ALK: variants seen among roughly 807,000 people sequenced by gnomAD.
ALK encodes the protein ALK tyrosine kinase receptor.
A neutral mutation model predicts 163.1 loss-of-function variants in ALK; 74 were observed. That is an observed-to-expected ratio of 0.45 (90% CI 0.38 to 0.55). ALK has a LOEUF of 0.55. Ranked by LOEUF, ALK falls within the 20% of genes least tolerant of loss-of-function variation. The pLI, the probability that ALK is intolerant of heterozygous loss-of-function variation, is 0.00. For synonymous variants in ALK, 960 were observed against 843.2 expected, an observed-to-expected ratio of 1.14 and a Z score of -2.40; for missense variants, 2,063 against 2,105.3, an observed-to-expected ratio of 0.98 and a Z score of 0.39.
In ALK at chr2:29,653,528, G is replaced by A. The variant is rs563820693; in HGVS notation, c.952+41322C>T. Among the ~76,000 whole-genome samples, 10 of 152,070 alleles carry A rather than the reference G, an allele frequency of 6.6e-5. No homozygotes were observed. The East Asian group carries it at 1.2e-3, about 18-fold the overall frequency. ...TTACCTAACTTAACTTAATTTGAAC[G>A]TTAGTTTCTTTGTCTGTAAAAGGGT... On this transcript the variant is annotated intron_variant, in intron 3 of 28. Transcript: ENST00000389048.
chr2:29,880,536 C>T (rs1010997013), intron 1 of ALK, among the ~76,000 whole-genome samples: 9 of 152,192 alleles, frequency 5.9e-5, no homozygotes, highest in African/African-American at 1.7e-4. Context: ...CACCCACCCC[C>T]ACTTAAGCTC....
At chr2:29,668,619 GAT>G (rs1558433634) in intron 3 of ALK, among the ~76,000 whole-genome samples, 1 of 152,046 alleles carries the variant, frequency 6.6e-6, no homozygotes, top group East Asian at 1.9e-4. Flanking sequence ...TACTTGATAT[GAT>G]TTTGAATTCT....
chr2:29,644,732 C>T (rs1676823903), intron 3 of ALK, among the ~76,000 whole-genome samples: 1 of 149,548 alleles, frequency 6.7e-6, no homozygotes, highest in Non-Finnish European at 1.5e-5. Flanking sequence ...TAAAAAAAAA[C>T]AAAAAGCTCA....
chr2:29,200,517 A>G (rs1049369283), intron 26 of ALK, among the ~76,000 whole-genome samples: 8 of 151,942 alleles, frequency 5.3e-5, no homozygotes, highest in African/African-American at 9.7e-5. Context: ...GTATGCTCCA[A>G]TATTTATACT....
intron 3 of ALK, among the ~76,000 whole-genome samples, chr2:29,680,496 G>A (rs2148278330): frequency 6.6e-6 from 1 of 151,690 alleles, no homozygotes; most frequent in Middle Eastern, 3.4e-3. Context: ...TTTAGTTACT[G>A]CACTTTCCAA....
intron 13 of ALK, among the ~76,000 whole-genome samples, chr2:29,236,665 C>T (rs1361356177): frequency 6.6e-6 from 1 of 152,130 alleles, no homozygotes; most frequent in Non-Finnish European, 1.5e-5. Context: ...CACATGACTT[C>T]CAGGACTCCC....
chr2:29,346,849 G>A (rs1006669630), intron 5 of ALK, among the ~76,000 whole-genome samples: 3 of 152,106 alleles, frequency 2.0e-5, no homozygotes, highest in African/African-American at 4.8e-5. Context: ...AATGAAGCAC[G>A]GACAGCTGAC....
At position 29,230,890 on chromosome 2, in the gene ALK, C is replaced by T. The variant is rs186162323; in HGVS notation, c.2632+1414G>A. Among the ~76,000 whole-genome samples, 6 of 152,262 alleles carry T rather than the reference C, an allele frequency of 3.9e-5. No individual in the cohort carries two copies. The East Asian group carries it at 7.7e-4, about 20-fold the overall frequency. The stretch of plus-strand genomic sequence containing the variant: ...TAAGCGCGTAATAAATAAATCAGAA[C>T]GAGATGGACGGAGACCATGCGCTGT... On this transcript the variant is annotated intron_variant, in intron 15 of 28. Coordinates refer to ENST00000389048, the MANE Select transcript of ALK (RefSeq NM_004304.5).
intron 4 of ALK, among the ~76,000 whole-genome samples, chr2:29,479,888 G>T (rs938028542): frequency 1.3e-5 from 2 of 152,202 alleles, no homozygotes; most frequent in Non-Finnish European, 1.5e-5. Context: ...GGACATGAGA[G>T]TCTTGAAATC....
chr2:29,644,731 A>C (rs61134328), intron 3 of ALK, among the ~76,000 whole-genome samples: 3 of 145,010 alleles, frequency 2.1e-5, no homozygotes, highest in Non-Finnish European at 3.0e-5. Flanking sequence ...TTAAAAAAAA[A>C]CAAAAAGCTC....
At chr2:29,645,017 C>T (rs532880544) in intron 3 of ALK, among the ~76,000 whole-genome samples, 21 of 152,106 alleles carry the variant, frequency 1.4e-4, no homozygotes, top group Non-Finnish European at 2.5e-4. Context: ...GTCTTGGAGG[C>T]CTTGGAGATG....
chr2:29,308,079 ATTT>A (rs57196625), intron 8 of ALK, among the ~76,000 whole-genome samples: 2 of 146,816 alleles, frequency 1.4e-5, no homozygotes, highest in African/African-American at 5.0e-5. Context: ...TTCTTTTCCA[ATTT>A]TTTTTTTTAC....
At chr2:29,378,752 G>A (rs1465817688) in intron 5 of ALK, among the ~76,000 whole-genome samples, 1 of 145,464 alleles carries the variant, frequency 6.9e-6, no homozygotes, top group African/African-American at 2.6e-5. Context: ...GTCTTGCTCT[G>A]TCACCCAGGC....
intron 1 of ALK, among the ~76,000 whole-genome samples, chr2:29,867,407 A>C (rs569679899): frequency 4.6e-5 from 7 of 152,134 alleles, no homozygotes; most frequent in Non-Finnish European, 1.0e-4. Flanking sequence ...AAATAGTCAA[A>C]ATGGTATTTC....
Position 29,193,221 on chromosome 2 carries a change from A to G in ALK, c.*3T>C, listed in dbSNP as rs768295861. 6.2e-7 allele frequency: 1 copy of G among 1,613,850 alleles called. No homozygotes were observed. The highest frequency in any genetic ancestry group is 8.5e-7 in the Non-Finnish European group (1 of 1,179,950). On this transcript the variant is annotated 3_prime_UTR_variant, in exon 29 of 29. Transcript: ENST00000389048. ...AGGAAGAGAAGTGAGTGTGCGACCG[A>G]GCTCAGGGCCCAGGCTGGTTCATGC...
chr2:29,444,692 T>A (rs987190056), intron 4 of ALK, among the ~76,000 whole-genome samples: 1 of 152,262 alleles, frequency 6.6e-6, no homozygotes, highest in Non-Finnish European at 1.5e-5. Flanking sequence ...TAAACCATTT[T>A]ATTAAACTCA....
chr2:29,488,657 A>G (rs1671834302), intron 4 of ALK, among the ~76,000 whole-genome samples: 1 of 152,192 alleles, frequency 6.6e-6, no homozygotes. Flanking sequence ...CATGATCTTC[A>G]TCTCTTATTT....
chr2:29,759,434 T>G (rs1680638948), intron 1 of ALK, among the ~76,000 whole-genome samples: 1 of 152,126 alleles, frequency 6.6e-6, no homozygotes, highest in African/African-American at 2.4e-5. Context: ...TGTGTGTGCA[T>G]GTGTGCGTGC....
chr2:29,773,381 T>C (rs556876253), intron 1 of ALK, among the ~76,000 whole-genome samples: 13 of 152,250 alleles, frequency 8.5e-5, no homozygotes, highest in African/African-American at 3.1e-4. Context: ...AAACAATCTT[T>C]CAGGGGCCCT....
Sources: gnomAD v4.1 joint callset for allele counts (sites outside exome capture counted in the v4.1 genomes callset) on GRCh38, gnomAD v4.1.1 for gene constraint, MANE v1.5 for transcripts, NCBI Gene and HGNC (gene_info 2026-07-23, HGNC 2026-07-21) for gene names.